The following TRAPPC2L variants were observed in gnomAD, a reference collection of about 807,000 sequenced individuals.
TRAPPC2L encodes trafficking protein particle complex subunit 2-like protein.
TRAPPC2L carries 17 observed loss-of-function variants against 13.2 expected under a neutral mutation model. The observed-to-expected ratio is 1.29, with a 90% confidence interval of 0.88 to 1.93. TRAPPC2L has a LOEUF of 1.93. Among genes scored for constraint, TRAPPC2L ranks in the 30% most tolerant of loss-of-function variants. TRAPPC2L has a pLI of 0.00. For missense variants in TRAPPC2L, 359 were observed against 252.1 expected, an observed-to-expected ratio of 1.42 and a Z score of -2.87; for synonymous variants, 150 against 98.1, an observed-to-expected ratio of 1.53 and a Z score of -3.12.
At chr16:88,859,029 G>C in intron 2 of TRAPPC2L, 1 of 549,488 alleles carries the variant, frequency 1.8e-6, no homozygotes, top group Non-Finnish European at 3.2e-6. Flanking sequence ...CGTGTCCGTT[G>C]TCTGGTTTGC....
exon 4 of TRAPPC2L, chr16:88,861,613 G>C (rs751993508): frequency 2.0e-6 from 1 of 488,538 alleles, no homozygotes; most frequent in Non-Finnish European, 4.2e-6. Flanking sequence ...TGCTGAGGGG[G>C]TTGGGTGCTG....
chr16:88,862,017 T>C, exon 4 of TRAPPC2L: 1 of 194,604 alleles, frequency 5.1e-6, no homozygotes. Context: ...AGCCCTGGAA[T>C]GGGCCGAGGC....
chr16:88,860,923 T>C (rs1421143787), exon 4 of TRAPPC2L: 2 of 1,594,772 alleles, frequency 1.3e-6, no homozygotes, highest in Non-Finnish European at 1.7e-6. Flanking sequence ...GGGCCTTTGA[T>C]AACATGGTGA....
chr16:88,856,667 C>A (rs1468710270), upstream of TRAPPC2L: 2 of 419,208 alleles, frequency 4.8e-6, no homozygotes, highest in African/African-American at 2.3e-5. Flanking sequence ...CCCCACCCCG[C>A]CCGCCCTTCC....
chr16:88,860,782 C>T (rs560986528), exon 4 of TRAPPC2L: 15 of 973,458 alleles, frequency 1.5e-5, no homozygotes, highest in African/African-American at 4.8e-5. Flanking sequence ...GGCCTCTCAG[C>T]GGAGTTCACA....
At chr16:88,861,758 G>C (rs1041326201) in exon 4 of TRAPPC2L, 2 of 451,608 alleles carry the variant, frequency 4.4e-6, no homozygotes, top group East Asian at 7.0e-5. Flanking sequence ...GTTGGTTCCA[G>C]CACTGGTCCA....
At chr16:88,859,185 C>T (rs1344859206) in intron 2 of TRAPPC2L, 2 of 473,770 alleles carry the variant, frequency 4.2e-6, no homozygotes, top group South Asian at 1.7e-5. Context: ...TCGTCTAGTC[C>T]CTTGGGACAA....
At chr16:88,861,890 C>G (rs144873381) in exon 4 of TRAPPC2L, 1 of 293,524 alleles carries the variant, frequency 3.4e-6, no homozygotes. Flanking sequence ...ACATATTTGC[C>G]TTTTCATCCC....
chr16:88,858,528 G>A, intron 1 of TRAPPC2L, 91 bp from the exon 2 acceptor site: 1 of 1,399,362 alleles, frequency 7.1e-7, no homozygotes. Flanking sequence ...TTCCCCGGGT[G>A]GCTGCAGGTC....
chr16:88,858,902 C>T (rs1056735629), intron 2 of TRAPPC2L, 111 bp downstream of exon 2: 5 of 1,226,654 alleles, frequency 4.1e-6, no homozygotes, highest in African/African-American at 1.5e-5. Flanking sequence ...AGTTTTTAGC[C>T]AGCCAGGGAA....
At chr16:88,857,574 A>G (rs1397751711) in intron 1 of TRAPPC2L, 1 of 247,458 alleles carries the variant, frequency 4.0e-6, no homozygotes, top group Non-Finnish European at 7.8e-6. Context: ...AGCCGAGTTA[A>G]AAACAAATCG....
chr16:88,858,979 A>T, intron 2 of TRAPPC2L, 188 bp downstream of exon 2: 1 of 629,780 alleles, frequency 1.6e-6, no homozygotes, highest in Non-Finnish European at 2.7e-6. Flanking sequence ...CATTTGGGAA[A>T]AGCAAGGCTA....
At chr16:88,861,792 C>G in exon 4 of TRAPPC2L, 1 of 406,604 alleles carries the variant, frequency 2.5e-6, no homozygotes, top group Non-Finnish European at 5.1e-6. Context: ...TCTCAAGGAC[C>G]TTGAGGACCC....
At chr16:88,858,362 C>T (rs918459815) in intron 1 of TRAPPC2L, among the ~76,000 whole-genome samples, 1 of 152,098 alleles carries the variant, frequency 6.6e-6, no homozygotes, top group African/African-American at 2.4e-5. Flanking sequence ...TGTGCTCAGG[C>T]CCATTTTTCT....
chr16:88,856,631 C>T (rs1967916042), upstream of TRAPPC2L: 6 of 511,396 alleles, frequency 1.2e-5, no homozygotes, highest in South Asian at 1.1e-4. Flanking sequence ...TCCCCCCTTC[C>T]CCAAGGGGCC....
At chr16:88,859,253 A>G (rs1968205471) in intron 2 of TRAPPC2L, 8 of 553,386 alleles carry the variant, frequency 1.4e-5, no homozygotes, top group South Asian at 1.1e-4. Context: ...TAGCCTGTCC[A>G]TGGTGACATT....
At position 88,860,767 on chromosome 16, in the gene TRAPPC2L, G is replaced by T. The variant is rs76657970; in HGVS notation, c.*443G>T. The stretch of plus-strand genomic sequence containing the variant: ...CAGTGCCCGGTGGGGTGGGACTCCT[G>T]TCCTGGCCTCTCAGCGGAGTTCACA... On this transcript the variant is annotated 3_prime_UTR_variant, in exon 4 of 4. Coordinates refer to ENST00000565504, the Ensembl canonical transcript of TRAPPC2L. 1,083 of 863,574 alleles carry T rather than the reference G, an allele frequency of 1.3e-3. 5 individuals are homozygous for T. In the African/African-American group the frequency reaches 0.017, roughly 14 times the overall value. 53.5% of individuals were successfully genotyped at this position (863,574 alleles called of 1,614,324 possible). A position where few individuals can be genotyped will look rare whatever the true frequency, so the allele number is the denominator to read the frequency against.
rs201682947 is a variant in TRAPPC2L at position 88,857,139 on chromosome 16, G to A, written c.-12G>A. On this transcript the variant is annotated 5_prime_UTR_variant, in exon 1 of 4. Transcript: ENST00000565504. ...GTCACGTGACGCGGTGCCTGGCGCC[G>A]AGCCTCCCAAGATGGCGGTGTGCAT... 4.9e-4 allele frequency: 764 copies of A among 1,573,046 alleles called. 1 individual carries two copies. The African/African-American group carries it at 8.8e-3, about 18-fold the overall frequency.
chr16:88,857,045 G>C (rs1967963209), upstream of TRAPPC2L: 1 of 1,436,328 alleles, frequency 7.0e-7, no homozygotes. Flanking sequence ...CTCGTGACCA[G>C]TGGGGCGGGG....
Sources: gnomAD v4.1 joint callset for allele counts (sites outside exome capture counted in the v4.1 genomes callset) on GRCh38, gnomAD v4.1.1 for gene constraint, MANE v1.5 for transcripts, NCBI Gene and HGNC (gene_info 2026-07-23, HGNC 2026-07-21) for gene names.